The following SUN5 variants were observed in gnomAD, a reference collection of about 807,000 sequenced individuals.
The protein encoded by SUN5 is Sad1 and UNC84 domain containing 5.
In SUN5, 44 loss-of-function variants were observed where a neutral mutation model predicts 53.7. The ratio of observed to expected loss-of-function variants is 0.82; its 90% confidence interval spans 0.64 to 1.05. The LOEUF (loss-of-function observed/expected upper bound fraction) is 1.05, where lower values mean the gene tolerates loss of function less well. Ranked by LOEUF, SUN5 falls within the 50% of genes least tolerant of loss-of-function variation. The pLI is 0.00. For synonymous variants in SUN5, 166 were observed against 179.8 expected, an observed-to-expected ratio of 0.92 and a Z score of 0.62; for missense variants, 433 against 483.8, an observed-to-expected ratio of 0.90 and a Z score of 0.98.
chr20:33,003,055 G>A (rs1249722725), intron 1 of SUN5, 136 bp from the exon 2 acceptor site: 4 of 997,110 alleles, frequency 4.0e-6, no homozygotes, highest in Non-Finnish European at 5.9e-6. Flanking sequence ...TGTGATTCAG[G>A]GACAGACCCA....
At chr20:32,995,768 G>T in intron 7 of SUN5, 41 bp from the exon 8 acceptor site, 1 of 1,569,354 alleles carries the variant, frequency 6.4e-7, no homozygotes, top group Non-Finnish European at 8.8e-7. Flanking sequence ...GTTGATTTGT[G>T]ATGCGTTGTT....
chr20:32,992,102 A>G (rs1415729288), intron 8 of SUN5, among the ~76,000 whole-genome samples: 6 of 152,226 alleles, frequency 3.9e-5, no homozygotes, highest in African/African-American at 7.2e-5. Flanking sequence ...AAAAGGCACA[A>G]TGTGTCCCAG....
rs777978504 is a variant in SUN5, at chr20:33,000,084, G to A, written c.330C>T (p.Leu110=). 5 of 1,609,410 alleles carry A rather than the reference G, an allele frequency of 3.1e-6. No homozygotes were observed. Among genetic ancestry groups the A allele is most frequent in the Non-Finnish European group, 4.2e-6 (5 of 1,178,716 alleles). ...KLMEKTGILL[L]CAFGFWMFSI... is the part of the protein sequence containing the mutation. The stretch of plus-strand genomic sequence containing the variant: ...GGCCCTGGGACACACCGAAAGCACA[G>A]AGGAGCAGAATGCCTGTCTTCTCCA... Residue 110 remains leucine, a synonymous_variant, in exon 5 of 13, where the codon CTC becomes CTT. Coordinates refer to ENST00000356173, the MANE Select transcript of SUN5 (RefSeq NM_080675.4).
chr20:32,994,942 C>A (rs1989803335), intron 8 of SUN5, among the ~76,000 whole-genome samples: 1 of 150,100 alleles, frequency 6.7e-6, no homozygotes, highest in Non-Finnish European at 1.5e-5. Context: ...TATTAGTAAA[C>A]CTGAAGAAAG....
At chr20:32,997,544 C>T (rs1438003799) in intron 6 of SUN5, 94 bp downstream of exon 6, 4 of 1,425,482 alleles carry the variant, frequency 2.8e-6, no homozygotes, top group South Asian at 2.5e-5. Context: ...ATGAGGGGCC[C>T]CATTTGGTGA....
intron 5 of SUN5, among the ~76,000 whole-genome samples, chr20:32,998,060 C>T (rs547182273): frequency 4.0e-5 from 6 of 149,646 alleles, no homozygotes; most frequent in African/African-American, 1.5e-4. Context: ...AAGTCTTGGC[C>T]AGGTGTGGTG....
intron 5 of SUN5, among the ~76,000 whole-genome samples, chr20:32,999,461 C>T (rs1209380459): frequency 2.6e-5 from 4 of 151,954 alleles, no homozygotes; most frequent in Non-Finnish European, 2.9e-5. Context: ...GGTGTGGTGG[C>T]GCGCGCCTGT....
intron 8 of SUN5, 102 bp downstream of exon 8, chr20:32,995,517 C>T (rs2036321954): frequency 3.0e-6 from 3 of 993,650 alleles, no homozygotes; most frequent in Admixed American, 4.2e-5. Flanking sequence ...TGTGCTCCCT[C>T]AAAATGAGAG....
At chr20:32,986,971 C>G (rs1989562149) in intron 10 of SUN5, among the ~76,000 whole-genome samples, 1 of 152,212 alleles carries the variant, frequency 6.6e-6, no homozygotes, top group African/African-American at 2.4e-5. Context: ...CCCAGCTTGA[C>G]CTCGAGTGCC....
At chr20:33,003,616 A>G (rs1990112910) in intron 1 of SUN5, among the ~76,000 whole-genome samples, 1 of 152,152 alleles carries the variant, frequency 6.6e-6, no homozygotes, top group African/African-American at 2.4e-5. Flanking sequence ...GTCTTTAAAC[A>G]TTTTTGTTTA....
At chr20:32,984,202 A>T (rs1208483329) in intron 12 of SUN5, among the ~76,000 whole-genome samples, 1 of 151,802 alleles carries the variant, frequency 6.6e-6, no homozygotes, top group African/African-American at 2.4e-5. Flanking sequence ...TCTTGGGCAA[A>T]CCTCCACCCT....
rs755149635 is a variant in SUN5 at position 32,983,820 on chromosome 20, G to A, written c.1114C>T (p.Gln372Ter). Residue 372 changes from glutamine (Q) to a stop codon, truncating the protein, a stop_gained, in exon 13 of 13, where the codon CAG becomes TAG. Transcript: ENST00000356173. LOFTEE classifies it high-confidence loss of function. ...TAATCTCTCTTAGGGTAGGGGTTCTGGTGAGGCTGCTCTCTGGGCGGGGCC... is the reference window on the plus strand; with the variant it reads ...TAATCTCTCTTAGGGTAGGGGTTCTAGTGAGGCTGCTCTCTGGGCGGGGCC... ...SVAPPREQPHQNPYPKRD is the reference protein window; with the variant it reads ...SVAPPREQPH 1.3e-6 allele frequency: 2 copies of A among 1,567,356 alleles called. No homozygotes were observed. The highest frequency in any genetic ancestry group is 8.7e-7 in the Non-Finnish European group (1 of 1,155,756).
In SUN5 at chr20:33,003,131, G is replaced by C. The variant is rs1032837974; in HGVS notation, c.78-212C>G. ...GACCCAGGTTGCTGTGGCAGTCACAGGCGGTTGTCGCCATGTCCCCGAGGT... is the reference window on the plus strand; with the variant it reads ...GACCCAGGTTGCTGTGGCAGTCACACGCGGTTGTCGCCATGTCCCCGAGGT... On this transcript the variant is annotated intron_variant, in intron 1 of 12. Coordinates refer to ENST00000356173, the MANE Select transcript of SUN5 (RefSeq NM_080675.4). Among the ~76,000 whole-genome samples the C allele has an allele frequency of 2.6e-5, 4 of 152,194 alleles. No individual in the cohort carries two copies. In the East Asian group the frequency reaches 7.7e-4, roughly 29 times the overall value.
intron 7 of SUN5, 25 bp from the exon 8 acceptor site, chr20:32,995,752 G>C: frequency 6.2e-7 from 1 of 1,601,318 alleles, no homozygotes; most frequent in Non-Finnish European, 8.6e-7. Context: ...GTGATAACAA[G>C]AACAGGTTGA....
intron 6 of SUN5, among the ~76,000 whole-genome samples, chr20:32,996,594 A>G (rs1989854981): frequency 1.0e-5 from 1 of 99,908 alleles, no homozygotes; most frequent in African/African-American, 3.9e-5. Context: ...CCACCCTTAT[A>G]CCCACCCACC....
At chr20:32,988,023 T>C (rs1989595831) in intron 9 of SUN5, among the ~76,000 whole-genome samples, 1 of 152,142 alleles carries the variant, frequency 6.6e-6, no homozygotes, top group African/African-American at 2.4e-5. Flanking sequence ...AGTGGCGCGA[T>C]CTTGGCTCAC....
At chr20:32,995,906 C>T (rs1367491166) in intron 7 of SUN5, among the ~76,000 whole-genome samples, 179 bp from the exon 8 acceptor site, 1 of 152,154 alleles carries the variant, frequency 6.6e-6, no homozygotes, top group Non-Finnish European at 1.5e-5. Context: ...TCATTCTCTT[C>T]TTTCTGCTTG....
In SUN5 at chr20:33,002,509, A is replaced by G. The variant is rs968335741; in HGVS notation, c.211+78T>C. 23 of 1,461,194 alleles carry G rather than the reference A, an allele frequency of 1.6e-5. No individual in the cohort carries two copies. The African/African-American group carries it at 2.2e-4, about 14-fold the overall frequency. 90.5% of individuals were successfully genotyped at this position (1,461,194 alleles called of 1,614,324 possible). A position where few individuals can be genotyped will look rare whatever the true frequency, so the allele number is the denominator to read the frequency against. ...GTCCAGGGCAGGCATTGCCACCCCC[A>G]GGTCAGCCTGGGCCGAGGCTGGACC... On this transcript the variant is annotated intron_variant, in intron 3 of 12. Transcript: ENST00000356173.
chr20:33,000,074 C>A lies in SUN5; in HGVS notation c.340G>T (p.Gly114Ter). ...KTGILLLCAF[G>*]FWMFSIHLPS... is the part of the protein sequence containing the mutation. ...GACTGGGCAGGGCCCTGGGACACACCGAAAGCACAGAGGAGCAGAATGCCT... is the reference window on the plus strand; with the variant it reads ...GACTGGGCAGGGCCCTGGGACACACAGAAAGCACAGAGGAGCAGAATGCCT... The change falls in exon 5 of 13, where the codon GGA becomes TGA. Residue 114 changes from glycine (G) to a stop codon, truncating the protein, a stop_gained and splice_region_variant. Transcript: ENST00000356173. LOFTEE classifies it high-confidence loss of function. 4 of 1,608,852 alleles carry A rather than the reference C, an allele frequency of 2.5e-6. No homozygotes were observed. The highest frequency in any genetic ancestry group is 3.4e-6 in the Non-Finnish European group (4 of 1,178,492).
Sources: allele counts gnomAD v4.1 joint callset (sites outside exome capture counted in the v4.1 genomes callset), GRCh38; gene constraint gnomAD v4.1.1; transcripts MANE v1.5; gene names NCBI Gene and HGNC (gene_info 2026-07-23, HGNC 2026-07-21).